Variants in ARHGEF3 observed in about 807,000 individuals in gnomAD.
ARHGEF3 encodes the protein 59.8 kDA protein.
Under a neutral mutation model 63.2 loss-of-function variants are expected in ARHGEF3, and 28 were observed. That is an observed-to-expected ratio of 0.44 (90% CI 0.33 to 0.61). ARHGEF3 has a LOEUF of 0.61. Among genes scored for constraint, ARHGEF3 ranks in the 20% least tolerant of loss-of-function variants. The probability of loss-of-function intolerance (pLI) is 0.03; values close to 1 mark genes in which losing one functional copy is unlikely to be tolerated. For missense variants in ARHGEF3, 533 were observed against 659.3 expected (o/e 0.81, Z 2.10); for synonymous variants, 266 against 254.2 (o/e 1.05, Z -0.44).
Position 56,755,058 on chromosome 3 carries a change from C to T in ARHGEF3, c.298G>A (p.Asp100Asn). The change falls in exon 3 of 10, where the codon GAT (aspartate) becomes AAT (asparagine). Residue 100 changes from aspartate to asparagine, a missense_variant. Asp to Asn is a conservative substitution (Grantham distance 23, BLOSUM62 1). Around this residue, in one of 4 missense-constraint regions of ARHGEF3, gnomAD observed 160 missense variants for 157.3 expected, o/e 1.02. Transcript: ENST00000296315. ...AAGGTCTCACTCCACAGCTTGCTATCTCTCCGTTTCGTGCTCGAGGGGGCG... is the reference window on the plus strand; with the variant it reads ...AAGGTCTCACTCCACAGCTTGCTATTTCTCCGTTTCGTGCTCGAGGGGGCG... Reference protein sequence around the residue: ...NAAPSSTKRRDSKLWSETFDV... With the variant: ...NAAPSSTKRRNSKLWSETFDV... The T allele has an allele frequency of 6.2e-7, 1 of 1,614,156 alleles. No individual in the cohort carries two copies. The highest frequency in any genetic ancestry group is 8.5e-7 in the Non-Finnish European group (1 of 1,180,038).
At chr3:56,843,072 C>T (rs1045447974) in intron 4 of ARHGEF3, among the ~76,000 whole-genome samples, 5 of 152,138 alleles carry the variant, frequency 3.3e-5, no homozygotes, top group African/African-American at 9.7e-5. Context: ...ACTGGAGCCA[C>T]CAGGCCCCCT....
chr3:57,018,500 C>A (rs989594900), intron 2 of ARHGEF3, among the ~76,000 whole-genome samples: 1 of 152,188 alleles, frequency 6.6e-6, no homozygotes, highest in Non-Finnish European at 1.5e-5. Context: ...GCTTAAGTAA[C>A]TTCCAAAAGG....
chr3:56,878,555 C>A (rs774175542), intron 4 of ARHGEF3, among the ~76,000 whole-genome samples: 1 of 152,124 alleles, frequency 6.6e-6, no homozygotes, highest in Non-Finnish European at 1.5e-5. Context: ...TTTGGAGATA[C>A]GTCACCCATC....
intron 4 of ARHGEF3, among the ~76,000 whole-genome samples, chr3:56,853,338 T>A (rs2039742323): frequency 6.6e-6 from 1 of 152,192 alleles, no homozygotes; most frequent in East Asian, 1.9e-4. Context: ...TTATTTATTA[T>A]TTTTATTATT....
intron 1 of ARHGEF3, among the ~76,000 whole-genome samples, chr3:56,792,983 C>T (rs540816250): frequency 4.0e-5 from 6 of 148,694 alleles, no homozygotes; most frequent in South Asian, 2.2e-4. Flanking sequence ...GCAACATTCA[C>T]GGCATTGGGT....
chr3:56,874,384 C>T (rs1489666805), intron 4 of ARHGEF3, among the ~76,000 whole-genome samples: 1 of 152,112 alleles, frequency 6.6e-6, no homozygotes, highest in Admixed American at 6.5e-5. Flanking sequence ...CTGGCCAGGG[C>T]GAGGCTAATC....
chr3:56,829,171 C>T (rs2108066888), intron 4 of ARHGEF3, among the ~76,000 whole-genome samples: 1 of 152,262 alleles, frequency 6.6e-6, no homozygotes, highest in East Asian at 1.9e-4. Flanking sequence ...AGTGATCTTC[C>T]CACCTCGGCC....
chr3:56,883,200 T>A (rs1206025597), intron 3 of ARHGEF3, among the ~76,000 whole-genome samples: 2 of 152,252 alleles, frequency 1.3e-5, no homozygotes, highest in African/African-American at 4.8e-5. Flanking sequence ...ATATGATTTT[T>A]AAAAAGTTAT....
chr3:56,971,579 C>T (rs527912270), intron 2 of ARHGEF3, among the ~76,000 whole-genome samples: 20 of 151,974 alleles, frequency 1.3e-4, no homozygotes, highest in African/African-American at 4.8e-4. Flanking sequence ...AGGCCGGGCG[C>T]GGTGGCTCAC....
intron 4 of ARHGEF3, 71 bp downstream of exon 4, chr3:56,753,433 C>G: frequency 7.4e-7 from 1 of 1,356,770 alleles, no homozygotes; most frequent in South Asian, 1.2e-5. Context: ...CGAAGCACCA[C>G]TTTAGGGTTG....
chr3:56,938,036 A>G (rs1560066051), intron 3 of ARHGEF3, among the ~76,000 whole-genome samples: 2 of 152,202 alleles, frequency 1.3e-5, no homozygotes, highest in Non-Finnish European at 2.9e-5. Context: ...GCTGTATAAG[A>G]ATGTCTCCTC....
At chr3:57,078,904 A>C in intron 1 of ARHGEF3, 8 of 236,904 alleles carry the variant, frequency 3.4e-5, no homozygotes, top group Non-Finnish European at 5.7e-5. Context: ...TACCCGGGGA[A>C]CAGAGTCAGG....
At chr3:56,928,983 C>T (rs781275660) in intron 3 of ARHGEF3, among the ~76,000 whole-genome samples, 16 of 152,112 alleles carry the variant, frequency 1.1e-4, no homozygotes, top group Non-Finnish European at 1.5e-4. Flanking sequence ...CAGGATATAG[C>T]GACCTTGCTG....
chr3:57,020,383 C>A (rs745487646), intron 2 of ARHGEF3, among the ~76,000 whole-genome samples: 2 of 152,092 alleles, frequency 1.3e-5, no homozygotes, highest in African/African-American at 4.8e-5. Flanking sequence ...GGGGTGTCTG[C>A]CACCCAGCAT....
intron 4 of ARHGEF3, among the ~76,000 whole-genome samples, chr3:56,845,745 CCTT>C (rs2039467707): frequency 6.6e-6 from 1 of 152,196 alleles, no homozygotes; most frequent in African/African-American, 2.4e-5. Flanking sequence ...CAGATCATAT[CCTT>C]CTTCCAAAAC....
At chr3:56,742,889 T>C (rs1285471312) in intron 7 of ARHGEF3, among the ~76,000 whole-genome samples, 1 of 152,216 alleles carries the variant, frequency 6.6e-6, no homozygotes, top group South Asian at 2.1e-4. Flanking sequence ...TTATCTGTTT[T>C]TAAATTCAAA....
In ARHGEF3 at chr3:57,014,335, C is replaced by T. The variant is rs900384882; in HGVS notation, c.62+20753G>A. On this transcript the variant is annotated intron_variant, in intron 2 of 12. Coordinates refer to the ARHGEF3 transcript ENST00000338458. ...AGATCAAGAACACACCGATTCTGGA[C>T]ACAATAGTGCACAGCCTTAACCACT... 3.3e-5 allele frequency among the ~76,000 whole-genome samples: 5 copies of T among 152,182 alleles called. No homozygotes were observed. In the South Asian group the frequency reaches 8.3e-4, roughly 25 times the overall value.
Position 57,036,829 on chromosome 3 carries a change from A to T in ARHGEF3, c.-27-1653T>A, listed in dbSNP as rs553973324. ...CACCGTTGCATCCACTACTTTGATT[A>T]CTGAGAATCACAGGCCTGCTTGGCC... On this transcript the variant is annotated intron_variant, in intron 1 of 12. Coordinates refer to the ARHGEF3 transcript ENST00000338458. 4.6e-5 allele frequency among the ~76,000 whole-genome samples: 7 copies of T among 152,272 alleles called. No individual in the cohort carries two copies. In the East Asian group the frequency reaches 1.2e-3, roughly 25 times the overall value.
At chr3:56,910,660 C>T (rs960178497) in intron 3 of ARHGEF3, among the ~76,000 whole-genome samples, 2 of 151,538 alleles carry the variant, frequency 1.3e-5, no homozygotes, top group Non-Finnish European at 2.9e-5. Flanking sequence ...AAAACAGAAA[C>T]GAAAAAGAGA....
Sources: allele counts gnomAD v4.1 joint callset (sites outside exome capture counted in the v4.1 genomes callset), GRCh38; gene constraint gnomAD v4.1.1; regional missense constraint gnomAD v4.1.1; transcripts MANE v1.5; gene names NCBI Gene and HGNC (gene_info 2026-07-23, HGNC 2026-07-21).